The following CDH18 variants were observed in gnomAD, a reference collection of about 807,000 sequenced individuals.
CDH18 encodes the protein cadherin 18, also known as cadherin-18.
Under a neutral mutation model 67.9 loss-of-function variants are expected in CDH18, and 31 were observed. The ratio of observed to expected loss-of-function variants is 0.46; its 90% confidence interval spans 0.34 to 0.62. The LOEUF is 0.62. CDH18 is among the 20% of genes least tolerant of loss of function. The pLI is 0.01. For synonymous variants in CDH18, 362 were observed against 347.2 expected (o/e 1.04, Z -0.48); for missense variants, 890 against 975.5 (o/e 0.91, Z 1.17).
intron 11 of CDH18, among the ~76,000 whole-genome samples, chr5:19,501,596 A>G (rs1197394285): frequency 6.6e-6 from 1 of 152,042 alleles, no homozygotes; most frequent in African/African-American, 2.4e-5. Flanking sequence ...AGTTATACCT[A>G]TGTAGGTTAA....
At chr5:20,077,534 A>G (rs545721345) in intron 2 of CDH18, among the ~76,000 whole-genome samples, 8 of 152,258 alleles carry the variant, frequency 5.3e-5, no homozygotes, top group African/African-American at 1.9e-4. Flanking sequence ...CAAAAATACA[A>G]CTCCAGACAT....
chr5:19,477,061 C>T (rs1738584533), intron 12 of CDH18, among the ~76,000 whole-genome samples: 2 of 150,540 alleles, frequency 1.3e-5, no homozygotes, highest in Middle Eastern at 3.5e-3. Flanking sequence ...TATTTGCTAC[C>T]TTTCTGGATA....
At chr5:19,726,464 G>A (rs1162352614) in intron 4 of CDH18, among the ~76,000 whole-genome samples, 1 of 152,122 alleles carries the variant, frequency 6.6e-6, no homozygotes, top group East Asian at 1.9e-4. Context: ...ACCACTTTGA[G>A]TACACAGATT....
chr5:20,423,140 T>C (rs1422007045), intron 1 of CDH18, among the ~76,000 whole-genome samples: 2 of 151,322 alleles, frequency 1.3e-5, no homozygotes, highest in South Asian at 2.1e-4. Context: ...CACTGCGCGC[T>C]GGAACCTTTG....
At chr5:19,592,543 A>G (rs1192526691) in intron 6 of CDH18, among the ~76,000 whole-genome samples, 3 of 152,154 alleles carry the variant, frequency 2.0e-5, no homozygotes, top group Non-Finnish European at 2.9e-5. Flanking sequence ...GACATAGACT[A>G]TATAGATAAG....
chr5:19,498,192 T>A (rs147093933), intron 11 of CDH18, among the ~76,000 whole-genome samples: 1 of 152,142 alleles, frequency 6.6e-6, no homozygotes, highest in East Asian at 1.9e-4. Flanking sequence ...TCCTTATTAA[T>A]ACTATACATC....
intron 9 of CDH18, among the ~76,000 whole-genome samples, chr5:19,522,894 C>CAAAACA (rs1491388290): frequency 1.2e-5 from 1 of 83,876 alleles, no homozygotes; most frequent in Non-Finnish European, 2.2e-5. Context: ...GACTCCTTCT[C>CAAAACA]AAAAAAAAAA....
intron 2 of CDH18, among the ~76,000 whole-genome samples, chr5:20,226,645 T>C (rs576979185): frequency 6.6e-6 from 1 of 152,212 alleles, no homozygotes; most frequent in East Asian, 1.9e-4. Context: ...ATTGCTGATA[T>C]GCCACAAAAC....
intron 1 of CDH18, among the ~76,000 whole-genome samples, chr5:19,982,997 T>C (rs74366145): frequency 0.43 from 60,995 of 140,516 alleles, 14,996 homozygotes; most frequent in Middle Eastern, 0.62. Flanking sequence ...TGCGCCACTG[T>C]CGTCCAGCCT....
chr5:19,703,669 A>T (rs1216865868), intron 5 of CDH18, among the ~76,000 whole-genome samples: 3 of 152,112 alleles, frequency 2.0e-5, no homozygotes, highest in Admixed American at 1.3e-4. Flanking sequence ...AAGCTAGAAG[A>T]GAGGGTGATA....
At chr5:20,481,124 T>G (rs1317606003) in intron 1 of CDH18, among the ~76,000 whole-genome samples, 2 of 150,118 alleles carry the variant, frequency 1.3e-5, no homozygotes, top group Non-Finnish European at 3.0e-5. Context: ...ACACATAGAC[T>G]GAAAATAAAG....
chr5:19,616,190 C>T (rs1749800581), intron 5 of CDH18, among the ~76,000 whole-genome samples: 1 of 152,042 alleles, frequency 6.6e-6, no homozygotes, highest in South Asian at 2.1e-4. Flanking sequence ...GAGTAATTCA[C>T]AGCCTACGTT....
intron 1 of CDH18, among the ~76,000 whole-genome samples, chr5:20,419,690 G>A (rs1747697857): frequency 6.7e-6 from 1 of 150,286 alleles, no homozygotes; most frequent in South Asian, 2.1e-4. Context: ...TGTTAGCCAG[G>A]ATGGTCTCGA....
intron 1 of CDH18, among the ~76,000 whole-genome samples, chr5:20,422,994 C>A (rs1441068706): frequency 6.6e-6 from 1 of 151,120 alleles, no homozygotes; most frequent in Non-Finnish European, 1.5e-5. Context: ...CTTCCCTCCT[C>A]CCCTCTCTGG....
Position 20,187,547 on chromosome 5 carries a change from A to G in CDH18, c.-518+67897T>C, listed in dbSNP as rs368519934. ...CTGTATAAAATAAAGAAGGAAATAC[A>G]TAAAATAAATTTCCTGCTTGCAGCT... On this transcript the variant is annotated intron_variant, in intron 2 of 14. Transcript: ENST00000507958. Among the ~76,000 whole-genome samples the G allele has an allele frequency of 7.2e-5, 11 of 151,916 alleles. No individual in the cohort carries two copies. The East Asian group carries it at 1.7e-3, about 24-fold the overall frequency.
chr5:19,678,397 A>G (rs1311013480), intron 5 of CDH18, among the ~76,000 whole-genome samples: 1 of 151,988 alleles, frequency 6.6e-6, no homozygotes, highest in African/African-American at 2.4e-5. Context: ...TAGGTAAACA[A>G]TACAATTAAG....
chr5:20,124,445 C>G (rs919989987), intron 2 of CDH18, among the ~76,000 whole-genome samples: 1 of 152,148 alleles, frequency 6.6e-6, no homozygotes, highest in Admixed American at 6.6e-5. Flanking sequence ...GTGCAATCAC[C>G]TTGAGTACCA....
At chr5:20,337,123 C>T (rs1043924897) in intron 1 of CDH18, among the ~76,000 whole-genome samples, 2 of 152,192 alleles carry the variant, frequency 1.3e-5, no homozygotes, top group African/African-American at 2.4e-5. Context: ...TAGAACTTTC[C>T]TTTTGCTTAA....
At chr5:19,476,609 A>T (rs1255787053) in intron 12 of CDH18, among the ~76,000 whole-genome samples, 1 of 152,118 alleles carries the variant, frequency 6.6e-6, no homozygotes, top group Non-Finnish European at 1.5e-5. Context: ...CACGATATAT[A>T]TCTCTGTTCA....
Sources: gnomAD v4.1 joint callset for allele counts (sites outside exome capture counted in the v4.1 genomes callset) on GRCh38, gnomAD v4.1.1 for gene constraint, MANE v1.5 for transcripts, NCBI Gene and HGNC (gene_info 2026-07-23, HGNC 2026-07-21) for gene names.